Variants in RNF144A observed in about 807,000 individuals in gnomAD.
RNF144A encodes E3 ubiquitin-protein ligase RNF144A.
Under a neutral mutation model 38.7 loss-of-function variants are expected in RNF144A, and 11 were observed. The ratio of observed to expected loss-of-function variants is 0.28; its 90% confidence interval spans 0.18 to 0.47. RNF144A has a LOEUF of 0.47. RNF144A is among the 20% of genes least tolerant of loss of function. The pLI is 0.99. For missense variants in RNF144A, 316 were observed against 377.2 expected, an observed-to-expected ratio of 0.84 and a Z score of 1.34; for synonymous variants, 149 against 143.9, an observed-to-expected ratio of 1.04 and a Z score of -0.25.
intron 3 of RNF144A, among the ~76,000 whole-genome samples, chr2:7,006,690 C>T (rs887885170): frequency 2.0e-5 from 3 of 152,174 alleles, no homozygotes; most frequent in Non-Finnish European, 2.9e-5. Flanking sequence ...ATGGCCACCT[C>T]CCCAAAGCCT....
intron 6 of RNF144A, among the ~76,000 whole-genome samples, chr2:7,054,645 A>C (rs1673658055): frequency 6.6e-6 from 1 of 152,164 alleles, no homozygotes; most frequent in South Asian, 2.1e-4. Context: ...TGAAGGGCTC[A>C]AGGGAAGTAG....
intron 1 of RNF144A, among the ~76,000 whole-genome samples, chr2:6,934,594 T>C (rs1401206250): frequency 6.6e-6 from 1 of 152,254 alleles, no homozygotes; most frequent in Non-Finnish European, 1.5e-5. Flanking sequence ...CTGGTAAAAT[T>C]GTAGTTTTAC....
chr2:7,043,117 C>T lies in RNF144A; in HGVS notation c.*3357C>T, dbSNP rs1197917284. On this transcript the variant is annotated 3_prime_UTR_variant, in exon 9 of 9. Transcript: ENST00000320892. The stretch of plus-strand genomic sequence containing the variant: ...TCCTGACCTCAGGTGATCTGCCCAC[C>T]TCGGCTTCCCAAAGTGCTGGAATTA... 1.1e-6 allele frequency: 1 copy of T among 900,018 alleles called. No homozygotes were observed. The highest frequency in any genetic ancestry group is 1.3e-6 in the Non-Finnish European group (1 of 752,312). 55.8% of individuals were successfully genotyped at this position (900,018 alleles called of 1,614,324 possible). A position where few individuals can be genotyped will look rare whatever the true frequency, so the allele number is the denominator to read the frequency against.
At chr2:7,072,086 T>C (rs1674504631), downstream of RNF144A, among the ~76,000 whole-genome samples, 1 of 152,214 alleles carries the variant, frequency 6.6e-6, no homozygotes, top group Admixed American at 6.5e-5. Flanking sequence ...AGGATGATAG[T>C]AGCTCGATGC....
At chr2:7,001,544 A>G (rs436955) in intron 3 of RNF144A, among the ~76,000 whole-genome samples, 121,435 of 151,638 alleles carry the variant, frequency 0.8, 48,734 homozygotes, top group South Asian at 0.92. Flanking sequence ...GGGCGTGGTG[A>G]CAGACACCTG....
intron 1 of RNF144A, among the ~76,000 whole-genome samples, chr2:6,932,793 A>G (rs1418651031): frequency 1.3e-5 from 2 of 152,214 alleles, no homozygotes; most frequent in Non-Finnish European, 2.9e-5. Context: ...TACTCAATCA[A>G]TTGATAACCA....
chr2:7,022,314 C>A (rs1671587596), intron 6 of RNF144A, among the ~76,000 whole-genome samples: 1 of 152,240 alleles, frequency 6.6e-6, no homozygotes, highest in Admixed American at 6.5e-5. Flanking sequence ...TCATTAGCAT[C>A]ACCTGCGCAC....
At chr2:6,925,573 C>T (rs1664804837) in intron 1 of RNF144A, among the ~76,000 whole-genome samples, 1 of 152,156 alleles carries the variant, frequency 6.6e-6, no homozygotes, top group African/African-American at 2.4e-5. Flanking sequence ...GCAGGAACCT[C>T]AGGATCTGAT....
intron 2 of RNF144A, among the ~76,000 whole-genome samples, chr2:6,959,177 C>G (rs1558384245): frequency 2.0e-5 from 3 of 152,106 alleles, no homozygotes; most frequent in African/African-American, 7.2e-5. Context: ...TCAGAAGCGC[C>G]CTGGCTTGTC....
At chr2:6,948,527 C>G (rs1666482424) in intron 2 of RNF144A, among the ~76,000 whole-genome samples, 1 of 152,242 alleles carries the variant, frequency 6.6e-6, no homozygotes, top group Non-Finnish European at 1.5e-5. Context: ...CTGAACAAGG[C>G]TTCCTCAAGA....
At chr2:6,966,077 T>G (rs572393855) in intron 2 of RNF144A, among the ~76,000 whole-genome samples, 1 of 152,354 alleles carries the variant, frequency 6.6e-6, no homozygotes, top group South Asian at 2.1e-4. Flanking sequence ...AGCCCATATA[T>G]TTCACAGTAA....
chr2:7,018,108 G>T (rs1288280352), intron 5 of RNF144A, among the ~76,000 whole-genome samples: 1 of 152,158 alleles, frequency 6.6e-6, no homozygotes. Context: ...TGCATGAAGA[G>T]ACCGAGACCC....
intron 2 of RNF144A, among the ~76,000 whole-genome samples, chr2:6,976,147 T>C (rs1476780780): frequency 1.3e-5 from 2 of 152,196 alleles, no homozygotes; most frequent in East Asian, 1.9e-4. Context: ...GGTCAGTGGG[T>C]ACATGTAGTA....
chr2:7,040,931 A>G lies in RNF144A; in HGVS notation c.*1171A>G. 1.0e-6 allele frequency: 1 copy of G among 985,456 alleles called. No individual in the cohort carries two copies. Among genetic ancestry groups the G allele is most frequent in the South Asian group, 4.7e-5 (1 of 21,290 alleles). 61.0% of individuals were successfully genotyped at this position (985,456 alleles called of 1,614,324 possible). On this transcript the variant is annotated 3_prime_UTR_variant, in exon 9 of 9. Coordinates refer to ENST00000320892, the MANE Select transcript of RNF144A (RefSeq NM_014746.6). The stretch of plus-strand genomic sequence containing the variant: ...TTTAACGTGGGGATTTTACCACTTG[A>G]TCTTTTACAGGGCTGTCTGTGACCA...
chr2:6,964,769 A>G (rs960610829), intron 2 of RNF144A, among the ~76,000 whole-genome samples: 4 of 151,270 alleles, frequency 2.6e-5, no homozygotes, highest in African/African-American at 9.7e-5. Context: ...GAATTGAAAA[A>G]TGAGAACACA....
chr2:7,031,967 G>A (rs566304777), intron 8 of RNF144A, among the ~76,000 whole-genome samples: 6 of 152,382 alleles, frequency 3.9e-5, no homozygotes, highest in Admixed American at 1.3e-4. Flanking sequence ...TGATGGTTGC[G>A]TAACTCTGTG....
At chr2:7,011,314 T>C in intron 3 of RNF144A, among the ~76,000 whole-genome samples, 1 of 152,228 alleles carries the variant, frequency 6.6e-6, no homozygotes, top group East Asian at 1.9e-4. Flanking sequence ...CCTGATATGA[T>C]ACAATTGTAT....
chr2:6,963,322 G>A (rs1318282275), intron 2 of RNF144A, among the ~76,000 whole-genome samples: 2 of 152,182 alleles, frequency 1.3e-5, no homozygotes, highest in Non-Finnish European at 2.9e-5. Flanking sequence ...AAGTTAATAT[G>A]CAACACATTC....
chr2:6,942,183 A>C (rs1351726145), intron 2 of RNF144A, among the ~76,000 whole-genome samples: 1 of 151,914 alleles, frequency 6.6e-6, no homozygotes, highest in Non-Finnish European at 1.5e-5. Flanking sequence ...AGTGAAGGAT[A>C]AGGGTAGAGT....
Sources: allele counts gnomAD v4.1 joint callset (sites outside exome capture counted in the v4.1 genomes callset), GRCh38; gene constraint gnomAD v4.1.1; transcripts MANE v1.5; gene names NCBI Gene and HGNC (gene_info 2026-07-23, HGNC 2026-07-21).